The following SORCS1 variants were observed in gnomAD, a reference collection of about 807,000 sequenced individuals.
SORCS1 encodes the protein VPS10 domain-containing receptor SorCS1.
Under a neutral mutation model 146.1 loss-of-function variants are expected in SORCS1, and 60 were observed. The observed-to-expected ratio is 0.41, with a 90% CI of 0.33 to 0.51. The LOEUF (loss-of-function observed/expected upper bound fraction) is 0.51, where lower values mean the gene tolerates loss of function less well. Among genes scored for constraint, SORCS1 ranks in the 20% least tolerant of loss-of-function variants. The pLI is 0.21. For synonymous variants in SORCS1, 637 were observed against 584.0 expected, an observed-to-expected ratio of 1.09 and a Z score of -1.31; for missense variants, 1,352 against 1,487.6, an observed-to-expected ratio of 0.91 and a Z score of 1.50.
chr10:106,993,619 G>A (rs1956863848), intron 1 of SORCS1, among the ~76,000 whole-genome samples: 2 of 152,032 alleles, frequency 1.3e-5, no homozygotes, highest in African/African-American at 4.8e-5. Flanking sequence ...GCTCAAATCA[G>A]GTACAGTATC....
At chr10:107,077,323 TG>T (rs1962975035) in intron 1 of SORCS1, among the ~76,000 whole-genome samples, 1 of 152,178 alleles carries the variant, frequency 6.6e-6, no homozygotes, top group East Asian at 1.9e-4. Context: ...GGTTACCTGT[TG>T]TATACATTCT....
intron 17 of SORCS1, among the ~76,000 whole-genome samples, chr10:106,659,372 A>G (rs1850547769): frequency 6.6e-6 from 1 of 152,250 alleles, no homozygotes; most frequent in Non-Finnish European, 1.5e-5. Context: ...GAACTGGGAC[A>G]TATGGCCACA....
chr10:107,135,813 T>C (rs1007304887), intron 1 of SORCS1, among the ~76,000 whole-genome samples: 1 of 152,226 alleles, frequency 6.6e-6, no homozygotes, highest in Admixed American at 6.5e-5. Context: ...GTTGGGTTTA[T>C]GTTTCTTTTT....
intron 8 of SORCS1, among the ~76,000 whole-genome samples, chr10:106,705,364 T>C (rs967532163): frequency 2.0e-5 from 3 of 152,150 alleles, no homozygotes; most frequent in African/African-American, 4.8e-5. Context: ...AGAGAATTCA[T>C]CCTGGAGAAA....
intron 1 of SORCS1, among the ~76,000 whole-genome samples, chr10:107,020,045 T>TTCCTAGGCAGTGACC (rs1448538955): frequency 6.6e-6 from 1 of 152,228 alleles, no homozygotes; most frequent in African/African-American, 2.4e-5. Flanking sequence ...CCACTCCTTC[T>TTCCTAGGCAGTGACC]TCCTAGGCAG....
intron 1 of SORCS1, among the ~76,000 whole-genome samples, chr10:107,142,030 A>G (rs969420140): frequency 6.6e-5 from 10 of 152,144 alleles, no homozygotes; most frequent in African/African-American, 2.4e-4. Flanking sequence ...GAGGAGGAAA[A>G]GAGATTGGGG....
At chr10:107,071,806 A>G (rs1396496500) in intron 1 of SORCS1, among the ~76,000 whole-genome samples, 1 of 152,242 alleles carries the variant, frequency 6.6e-6, no homozygotes, top group African/African-American at 2.4e-5. Flanking sequence ...GTTAACTATT[A>G]TACTATTGTT....
chr10:107,175,782 A>G, the SORCS1 span, among the ~76,000 whole-genome samples: 1 of 152,126 alleles, frequency 6.6e-6, no homozygotes, highest in Admixed American at 6.5e-5. Flanking sequence ...TGTTTTTCAA[A>G]TACTTTATTC....
At chr10:106,766,202 AT>A (rs1366030354) in intron 4 of SORCS1, among the ~76,000 whole-genome samples, 3 of 152,048 alleles carry the variant, frequency 2.0e-5, no homozygotes, top group African/African-American at 7.2e-5. Context: ...TCCTCTTAAC[AT>A]TTTGGAAGCA....
intron 1 of SORCS1, among the ~76,000 whole-genome samples, chr10:106,987,183 CTT>C (rs1264136762): frequency 3.3e-5 from 5 of 152,152 alleles, no homozygotes; most frequent in African/African-American, 9.7e-5. Flanking sequence ...GGATGAGACT[CTT>C]TGGATTTTCA....
chr10:107,144,818 C>T (rs932276652), intron 1 of SORCS1, among the ~76,000 whole-genome samples: 7 of 152,150 alleles, frequency 4.6e-5, no homozygotes, highest in African/African-American at 7.2e-5. Flanking sequence ...GACAGCATCA[C>T]GATAGAGACA....
chr10:106,941,349 G>A (rs905448499), intron 2 of SORCS1, among the ~76,000 whole-genome samples: 6 of 152,100 alleles, frequency 3.9e-5, no homozygotes, highest in African/African-American at 1.4e-4. Flanking sequence ...GTCACCATAA[G>A]CCTATTAGAT....
intron 2 of SORCS1, among the ~76,000 whole-genome samples, chr10:106,949,809 G>A (rs1450060336): frequency 6.6e-6 from 1 of 152,180 alleles, no homozygotes; most frequent in Non-Finnish European, 1.5e-5. Context: ...GCCATGTCAG[G>A]CAACCTCTAA....
At chr10:106,979,702 G>C (rs1269039346) in intron 1 of SORCS1, among the ~76,000 whole-genome samples, 2 of 152,120 alleles carry the variant, frequency 1.3e-5, no homozygotes, top group Non-Finnish European at 2.9e-5. Flanking sequence ...TCTCCATTCA[G>C]TCACAGGAGC....
Position 106,577,323 on chromosome 10 carries a change from A to C in SORCS1, c.*97T>G. The C allele has an allele frequency of 6.2e-7, 1 of 1,610,014 alleles. No homozygotes were observed. Among genetic ancestry groups the C allele is most frequent in the Non-Finnish European group, 8.5e-7 (1 of 1,178,464 alleles). Reference sequence around the variant, plus strand: ...GAAACAGAACAACAAAGGAAAGAAAAAAAACACAAAGTTAGTGGTCATGAA... The same window carrying C: ...GAAACAGAACAACAAAGGAAAGAAACAAAACACAAAGTTAGTGGTCATGAA... On this transcript the variant is annotated 3_prime_UTR_variant, in exon 26 of 26. Transcript: ENST00000263054.
intron 4 of SORCS1, among the ~76,000 whole-genome samples, chr10:106,770,637 G>A (rs1053688964): frequency 2.0e-5 from 3 of 152,196 alleles, no homozygotes; most frequent in Admixed American, 6.5e-5. Flanking sequence ...AATTTCTGAG[G>A]TCATTGTTAC....
chr10:106,946,131 AG>A (rs1954330518), intron 2 of SORCS1, among the ~76,000 whole-genome samples: 1 of 152,252 alleles, frequency 6.6e-6, no homozygotes, highest in Admixed American at 6.5e-5. Flanking sequence ...ATAAGGCAGT[AG>A]GTTAAAAATT....
Position 106,620,532 on chromosome 10 carries a change from G to C in SORCS1, c.2692C>G (p.Pro898Ala). 6.2e-7 allele frequency: 1 copy of C among 1,614,070 alleles called. No homozygotes were observed. Among genetic ancestry groups the C allele is most frequent in the Non-Finnish European group, 8.5e-7 (1 of 1,179,948 alleles). ...TCTTTGTTCTTTGTGGTGACAAAGGGAAGAGACAGGTGCACGTGCTCCAAG... is the reference window on the plus strand; with the variant it reads ...TCTTTGTTCTTTGTGGTGACAAAGGCAAGAGACAGGTGCACGTGCTCCAAG... The part of the protein sequence containing the change: ...CPLEHVHLSL[P>A]FVTTKNKEVN... Residue 898 changes from proline to alanine, a missense_variant, in exon 20 of 26, where the codon CCC becomes GCC. Physicochemically the swap from Pro to Ala is conservative, Grantham distance 27 (BLOSUM62 -1). Transcript: ENST00000263054.
At chr10:106,631,533 G>T (rs1261720052) in intron 18 of SORCS1, among the ~76,000 whole-genome samples, 8 of 152,186 alleles carry the variant, frequency 5.3e-5, no homozygotes, top group Admixed American at 5.2e-4. Context: ...AATAGCAAGG[G>T]TATCTGGGGT....
Sources: allele counts gnomAD v4.1 joint callset (sites outside exome capture counted in the v4.1 genomes callset), GRCh38; gene constraint gnomAD v4.1.1; transcripts MANE v1.5; gene names NCBI Gene and HGNC (gene_info 2026-07-23, HGNC 2026-07-21).